TTLL11: variants seen among roughly 807,000 people sequenced by gnomAD.
TTLL11 encodes tubulin tyrosine ligase like 11, also known as tubulin polyglutamylase TTLL11.
Under a neutral mutation model 51.7 loss-of-function variants are expected in TTLL11, and 42 were observed. That is an observed-to-expected ratio of 0.81 (90% CI 0.64 to 1.05). The LOEUF is 1.05. Among genes scored for constraint, TTLL11 ranks in the 50% least tolerant of loss-of-function variants. The probability of loss-of-function intolerance (pLI) is 0.00; values close to 1 mark genes in which losing one functional copy is unlikely to be tolerated. For missense variants in TTLL11, 799 were observed against 940.4 expected (o/e 0.85, Z 1.97); for synonymous variants, 381 against 383.5 (o/e 0.99, Z 0.08).
intron 6 of TTLL11, among the ~76,000 whole-genome samples, chr9:121,912,924 AG>A (rs1352444384): frequency 6.6e-5 from 10 of 152,136 alleles, no homozygotes; most frequent in African/African-American, 2.4e-4. Context: ...AAAAAAAAAA[AG>A]CACTAGGATT....
At chr9:121,854,299 CAA>C (rs1014592007) in intron 8 of TTLL11, among the ~76,000 whole-genome samples, 2 of 152,148 alleles carry the variant, frequency 1.3e-5, no homozygotes, top group African/African-American at 4.8e-5. Context: ...TTATTTTGGT[CAA>C]AGAGCACTCA....
chr9:121,974,123 A>C lies in TTLL11; in HGVS notation c.1367T>G (p.Leu456Arg). The part of the protein sequence containing the change: ...PSMRIEHEHE[L>R]SPGVFENVPS... ...GACATTTTCAAACACCCCTGGAGAAAGCTTGAACGGGTAAGGATTCTGTGT... is the reference window on the plus strand; with the variant it reads ...GACATTTTCAAACACCCCTGGAGAACGCTTGAACGGGTAAGGATTCTGTGT... Residue 456 changes from leucine (L) to arginine (R), a missense_variant and splice_region_variant, in exon 6 of 9, where the codon CTT (leucine) becomes CGT (arginine). This residue lies in a region of TTLL11 where 468 missense variants were observed against 612.8 expected (regional missense o/e 0.76). Transcript: ENST00000321582. 1 of 1,550,004 alleles carries C rather than the reference A, an allele frequency of 6.5e-7. No individual in the cohort carries two copies. The highest frequency in any genetic ancestry group is 8.7e-7 in the Non-Finnish European group (1 of 1,146,038).
chr9:121,830,734 G>C (rs1215162184), intron 8 of TTLL11, among the ~76,000 whole-genome samples: 1 of 152,172 alleles, frequency 6.6e-6, no homozygotes, highest in African/African-American at 2.4e-5. Context: ...CCATCTCCTA[G>C]GCCCTGCCCT....
intron 8 of TTLL11, among the ~76,000 whole-genome samples, chr9:121,840,985 C>T (rs560054510): frequency 1.3e-5 from 2 of 152,318 alleles, no homozygotes; most frequent in South Asian, 4.1e-4. Context: ...TCTGATCCAG[C>T]GAGCTATGAC....
intron 6 of TTLL11, among the ~76,000 whole-genome samples, chr9:121,899,372 TATATAC>T (rs769095290): frequency 9.7e-5 from 7 of 72,004 alleles, no homozygotes; most frequent in South Asian, 6.9e-4. Context: ...TGTGTATATA[TATATAC>T]ATATATATAT....
chr9:122,048,293 A>G (rs1361284257), intron 1 of TTLL11, among the ~76,000 whole-genome samples: 1 of 151,988 alleles, frequency 6.6e-6, no homozygotes, highest in Admixed American at 6.6e-5. Flanking sequence ...CAGCCTCCCT[A>G]GTAGCTGGAA....
chr9:121,934,534 G>A (rs1187219702), intron 6 of TTLL11, among the ~76,000 whole-genome samples: 1 of 152,182 alleles, frequency 6.6e-6, no homozygotes. Flanking sequence ...TTTATAATTG[G>A]TGCAAATGTT....
Position 121,820,288 on chromosome 9 carries a change from T to C in TTLL11, c.*2299A>G, listed in dbSNP as rs1836538575. Among the ~76,000 whole-genome samples, 1 of 152,262 alleles carries C rather than the reference T, an allele frequency of 6.6e-6. No homozygotes were observed. Among genetic ancestry groups the C allele is most frequent in the Non-Finnish European group, 1.5e-5 (1 of 68,044 alleles). On this transcript the variant is annotated 3_prime_UTR_variant, in exon 9 of 9. Coordinates refer to ENST00000321582, the MANE Select transcript of TTLL11 (RefSeq NM_001139442.2). ...TCCACTTTGGCAAGCGAGTACTTTCTGAAGACCAACTTCAAGAAATGGTGT... is the reference window on the plus strand; with the variant it reads ...TCCACTTTGGCAAGCGAGTACTTTCCGAAGACCAACTTCAAGAAATGGTGT...
chr9:121,860,111 G>A (rs1325148445), intron 8 of TTLL11, among the ~76,000 whole-genome samples: 2 of 152,240 alleles, frequency 1.3e-5, no homozygotes, highest in Non-Finnish European at 2.9e-5. Flanking sequence ...CAGTATGGAT[G>A]GAATCTGAGC....
chr9:122,013,450 A>T (rs1843875180), intron 3 of TTLL11, among the ~76,000 whole-genome samples: 1 of 151,288 alleles, frequency 6.6e-6, no homozygotes. Flanking sequence ...TTGTGCAGTG[A>T]AGAAGAGGAG....
At chr9:121,894,998 CA>C (rs59825468) in intron 6 of TTLL11, among the ~76,000 whole-genome samples, 74,471 of 151,696 alleles carry the variant, frequency 0.49, 18,391 homozygotes, top group South Asian at 0.59. Flanking sequence ...CAGCGGGGGT[CA>C]GGGGAGGTGG....
chr9:122,071,788 G>A (rs1845737047), intron 1 of TTLL11, among the ~76,000 whole-genome samples: 2 of 152,280 alleles, frequency 1.3e-5, no homozygotes, highest in Admixed American at 6.5e-5. Flanking sequence ...AAGTGACAGC[G>A]GTGATTCTGC....
At chr9:122,051,510 G>A (rs1237598986) in intron 1 of TTLL11, among the ~76,000 whole-genome samples, 1 of 152,178 alleles carries the variant, frequency 6.6e-6, no homozygotes, top group Non-Finnish European at 1.5e-5. Context: ...GTGGTTGCTT[G>A]TGATACTGCC....
At chr9:121,851,939 G>A (rs564005495) in intron 8 of TTLL11, among the ~76,000 whole-genome samples, 7 of 152,322 alleles carry the variant, frequency 4.6e-5, no homozygotes, top group African/African-American at 1.7e-4. Context: ...ACTAAACACA[G>A]CTCTGCCCAA....
chr9:122,092,605 C>T, intron 1 of TTLL11, 82 bp downstream of exon 1: 3 of 1,510,400 alleles, frequency 2.0e-6, no homozygotes, highest in Non-Finnish European at 2.6e-6. Context: ...GCCCGCCGAC[C>T]TGACCTGGGC....
chr9:121,981,135 GT>G (rs34449864), intron 4 of TTLL11, among the ~76,000 whole-genome samples: 53,040 of 146,468 alleles, frequency 0.36, 9,864 homozygotes, highest in African/African-American at 0.46. Context: ...TTCTTCAAAA[GT>G]TTTTTTTTTT....
At chr9:121,859,382 T>C (rs1251649072) in intron 8 of TTLL11, among the ~76,000 whole-genome samples, 1 of 150,870 alleles carries the variant, frequency 6.6e-6, no homozygotes, top group Admixed American at 6.6e-5. Flanking sequence ...GCACCTGTAA[T>C]CCCAGATACT....
chr9:122,053,232 A>C (rs990082968), intron 1 of TTLL11, among the ~76,000 whole-genome samples: 1 of 152,194 alleles, frequency 6.6e-6, no homozygotes. Context: ...TGCGTGTCAA[A>C]GTGCTGTGTG....
chr9:122,084,829 A>G (rs1376886815), intron 1 of TTLL11, among the ~76,000 whole-genome samples: 1 of 152,212 alleles, frequency 6.6e-6, no homozygotes, highest in African/African-American at 2.4e-5. Context: ...GAAAATTTGT[A>G]TCTTTTCCAC....
Sources: gnomAD v4.1 joint callset for allele counts (sites outside exome capture counted in the v4.1 genomes callset) on GRCh38, gnomAD v4.1.1 for gene constraint, gnomAD v4.1.1 regional missense constraint, MANE v1.5 for transcripts, NCBI Gene and HGNC (gene_info 2026-07-23, HGNC 2026-07-21) for gene names.